LARS2: variants seen among roughly 807,000 people sequenced by gnomAD.
LARS2 encodes the protein leucine--tRNA ligase, mitochondrial.
Under a neutral mutation model 116.6 loss-of-function variants are expected in LARS2, and 81 were observed. The ratio of observed to expected loss-of-function variants is 0.69; its 90% CI spans 0.58 to 0.84. The LOEUF is 0.84. LARS2 is among the 40% of genes least tolerant of loss of function. The pLI, the probability that LARS2 is intolerant of heterozygous loss-of-function variation, is 0.00. For missense variants in LARS2, 968 were observed against 1,114.5 expected (o/e 0.87, Z 1.87); for synonymous variants, 396 against 407.2 (o/e 0.97, Z 0.33).
At chr3:45,440,110 C>T (rs1698879646) in intron 6 of LARS2, among the ~76,000 whole-genome samples, 1 of 152,186 alleles carries the variant, frequency 6.6e-6, no homozygotes, top group South Asian at 2.1e-4. Context: ...CCTGTCTCTC[C>T]CTCTTCCAAC....
chr3:45,415,357 A>G (rs2125684672), intron 4 of LARS2, among the ~76,000 whole-genome samples: 1 of 152,340 alleles, frequency 6.6e-6, no homozygotes, highest in Middle Eastern at 3.4e-3. Flanking sequence ...CCAACATTAT[A>G]TACAGCACTT....
At position 45,517,964 on chromosome 3, in the gene LARS2, T is replaced by C; in HGVS notation, c.2106T>C (p.Phe702=). The change falls in exon 18 of 22, where the codon TTT becomes TTC. Residue 702 remains phenylalanine (F), a synonymous_variant. Transcript: ENST00000645846. ...QQRLWTLTTR[F]IEARASGKSP... ...GACTGTGGACCTTGACAACTCGGTT[T>C]ATTGAGGCCAGGGCTTCTGGGAAGT... is the stretch of plus-strand genomic sequence containing the variant. The C allele has an allele frequency of 6.2e-7, 1 of 1,614,140 alleles. No individual in the cohort carries two copies. The highest frequency in any genetic ancestry group is 8.5e-7 in the Non-Finnish European group (1 of 1,179,992).
At chr3:45,471,086 CA>C (rs1241911375) in intron 8 of LARS2, among the ~76,000 whole-genome samples, 2 of 70,608 alleles carry the variant, frequency 2.8e-5, no homozygotes, top group African/African-American at 1.2e-4. Context: ...ATAAACTAAA[CA>C]AAAACCCCAA....
intron 15 of LARS2, among the ~76,000 whole-genome samples, chr3:45,503,688 T>TA (rs1330595466): frequency 1.3e-5 from 2 of 152,084 alleles, no homozygotes; most frequent in Admixed American, 6.6e-5. Flanking sequence ...CAGTTGTTGT[T>TA]ATGTTGTTTT....
chr3:45,539,745 C>T (rs1244432208), intron 20 of LARS2, among the ~76,000 whole-genome samples: 1 of 152,094 alleles, frequency 6.6e-6, no homozygotes, highest in Non-Finnish European at 1.5e-5. Context: ...TTACTATTTC[C>T]TTCCAATCTG....
At chr3:45,546,961 C>A (rs1000641380) in intron 21 of LARS2, among the ~76,000 whole-genome samples, 2 of 152,224 alleles carry the variant, frequency 1.3e-5, no homozygotes, top group African/African-American at 2.4e-5. Context: ...TGGATCTGAA[C>A]TTAAACTTGA....
At chr3:45,536,887 A>G (rs1217853169) in intron 20 of LARS2, among the ~76,000 whole-genome samples, 2 of 152,172 alleles carry the variant, frequency 1.3e-5, no homozygotes, top group African/African-American at 4.8e-5. Context: ...TTAACATCCT[A>G]TACAAACATT....
intron 6 of LARS2, among the ~76,000 whole-genome samples, chr3:45,444,628 C>T (rs1007431902): frequency 2.3e-5 from 3 of 131,230 alleles, no homozygotes; most frequent in African/African-American, 8.6e-5. Flanking sequence ...CCCGCCACTG[C>T]ACTCCAGCCT....
intron 4 of LARS2, among the ~76,000 whole-genome samples, chr3:45,417,164 A>G (rs963463212): frequency 6.6e-6 from 1 of 152,026 alleles, no homozygotes; most frequent in Non-Finnish European, 1.5e-5. Flanking sequence ...TATATATGTG[A>G]AACTGAAAGA....
intron 3 of LARS2, among the ~76,000 whole-genome samples, chr3:45,398,977 G>T (rs1698097238): frequency 6.6e-6 from 1 of 152,158 alleles, no homozygotes; most frequent in Non-Finnish European, 1.5e-5. Flanking sequence ...ACCAGGGGAA[G>T]AATTAAGATG....
intron 7 of LARS2, among the ~76,000 whole-genome samples, chr3:45,458,429 A>G (rs910934692): frequency 6.6e-6 from 1 of 152,216 alleles, no homozygotes; most frequent in African/African-American, 2.4e-5. Flanking sequence ...ACAGTGGCTC[A>G]CGCCTGTAAT....
chr3:45,403,725 A>G (rs1698191914), intron 4 of LARS2, among the ~76,000 whole-genome samples: 1 of 152,150 alleles, frequency 6.6e-6, no homozygotes, highest in Non-Finnish European at 1.5e-5. Flanking sequence ...TCCAGGCCCA[A>G]AGGAACTGGT....
chr3:45,394,615 G>A lies in LARS2; in HGVS notation c.162G>A (p.Gln54=). The A allele has an allele frequency of 6.2e-7, 1 of 1,614,182 alleles. No individual in the cohort carries two copies. The highest frequency in any genetic ancestry group is 8.5e-7 in the Non-Finnish European group (1 of 1,180,022). ...AGTGGACAAAAGAGTATACATTGCA[G>A]ACAAGAAAGGATGTTGAGAAATGGT... The part of the protein sequence containing the change: ...TGKWTKEYTL[Q]TRKDVEKWWH... Residue 54 remains glutamine (Q), a synonymous_variant, in exon 3 of 22, where the codon CAG becomes CAA. Transcript: ENST00000645846.
rs375510914 is a variant in LARS2, at chr3:45,531,698, A to G, written c.2404+7590A>G. ...TGCACCCAGCCTACTGTCCTTTTAA[A>G]AAGATGTAATTGAGAAAAATTGCAT... On this transcript the variant is annotated intron_variant, in intron 20 of 21. Transcript: ENST00000645846. 5.3e-4 allele frequency among the ~76,000 whole-genome samples: 81 copies of G among 152,298 alleles called. No homozygotes were observed. The South Asian group carries it at 0.017, about 31-fold the overall frequency.
At chr3:45,523,383 T>A (rs1290420982) in intron 19 of LARS2, among the ~76,000 whole-genome samples, 2 of 152,124 alleles carry the variant, frequency 1.3e-5, no homozygotes, top group African/African-American at 4.8e-5. Flanking sequence ...TGGGTAAGAG[T>A]TTGGCTACAG....
chr3:45,480,546 G>A (rs1298264463), intron 10 of LARS2, among the ~76,000 whole-genome samples: 1 of 152,190 alleles, frequency 6.6e-6, no homozygotes, highest in Non-Finnish European at 1.5e-5. Flanking sequence ...AAATGCTTCA[G>A]TTTCTTCTGA....
chr3:45,396,557 C>G (rs1409813663), intron 3 of LARS2, among the ~76,000 whole-genome samples: 1 of 152,238 alleles, frequency 6.6e-6, no homozygotes, highest in Non-Finnish European at 1.5e-5. Flanking sequence ...CGATCTCACT[C>G]TGGTATCAGA....
intron 11 of LARS2, among the ~76,000 whole-genome samples, chr3:45,486,285 A>C (rs753107232): frequency 1.3e-5 from 2 of 152,222 alleles, no homozygotes; most frequent in African/African-American, 2.4e-5. Flanking sequence ...AACTCGAGCT[A>C]TTCAAGAAAA....
At chr3:45,462,419 C>CAA (rs5848744) in intron 8 of LARS2, among the ~76,000 whole-genome samples, 2 of 148,256 alleles carry the variant, frequency 1.3e-5, no homozygotes, top group East Asian at 4.0e-4. Flanking sequence ...CAATTTCTAC[C>CAA]AAAAAAAAAA....
Sources: gnomAD v4.1 joint callset for allele counts (sites outside exome capture counted in the v4.1 genomes callset) on GRCh38, gnomAD v4.1.1 for gene constraint, MANE v1.5 for transcripts, NCBI Gene and HGNC (gene_info 2026-07-23, HGNC 2026-07-21) for gene names.